Variants in CAND2 observed in about 807,000 individuals in gnomAD.
The protein encoded by CAND2 is cullin associated and neddylation dissociated 2 (putative), also known as cullin-associated NEDD8-dissociated protein 2.
In CAND2, 62 loss-of-function variants were observed where a neutral mutation model predicts 98.9. The observed-to-expected ratio is 0.63, with a 90% CI of 0.51 to 0.77. The LOEUF is 0.77. Ranked by LOEUF, CAND2 falls within the 30% of genes least tolerant of loss-of-function variation. The pLI, the probability that CAND2 is intolerant of heterozygous loss-of-function variation, is 0.00. For missense variants in CAND2, 1,501 were observed against 1,655.2 expected, an observed-to-expected ratio of 0.91 and a Z score of 1.62; for synonymous variants, 770 against 731.9, an observed-to-expected ratio of 1.05 and a Z score of -0.84.
intron 1 of CAND2, among the ~76,000 whole-genome samples, chr3:12,797,285 A>T (rs1237697034): frequency 1.3e-5 from 2 of 150,560 alleles, no homozygotes; most frequent in African/African-American, 4.9e-5. Context: ...CCGGGACCGC[A>T]ACCCCCAGCT....
At chr3:12,808,715 T>C (rs1195825267) in intron 4 of CAND2, among the ~76,000 whole-genome samples, 1 of 152,150 alleles carries the variant, frequency 6.6e-6, no homozygotes, top group Non-Finnish European at 1.5e-5. Context: ...GAGCCCCCAG[T>C]CCAGCTGGGA....
chr3:12,824,437 CAGAG>C (rs1415864722), intron 11 of CAND2, among the ~76,000 whole-genome samples: 3 of 152,140 alleles, frequency 2.0e-5, no homozygotes, highest in Admixed American at 6.5e-5. Context: ...GCATGGGAGA[CAGAG>C]AGACGAGAGG....
At chr3:12,811,122 G>A (rs537564847) in intron 5 of CAND2, among the ~76,000 whole-genome samples, 1 of 142,974 alleles carries the variant, frequency 7.0e-6, no homozygotes, top group Non-Finnish European at 1.5e-5. Context: ...CACGGCGGGG[G>A]GTGGGGGGGG....
intron 4 of CAND2, 53 bp from the exon 5 acceptor site, chr3:12,810,006 G>A: frequency 7.2e-7 from 1 of 1,387,820 alleles, no homozygotes. Flanking sequence ...GCGGAGCCTG[G>A]CCCAGGTTGC....
In CAND2 at chr3:12,815,742, G is replaced by A. The variant is rs2061893574; in HGVS notation, c.1300-125G>A. ...GCCTGGCACAGAGTGAGGGACGAGTGCTTGGGAGATATCTTGATGCCGACA... is the reference window on the plus strand; with the variant it reads ...GCCTGGCACAGAGTGAGGGACGAGTACTTGGGAGATATCTTGATGCCGACA... On this transcript the variant is annotated intron_variant, in intron 8 of 14. Coordinates refer to ENST00000456430, the MANE Select transcript of CAND2 (RefSeq NM_001162499.2). This position sits in a 1 kb window ranked among gnomAD's most constrained non-coding sequence, Gnocchi z 5.7. The A allele has an allele frequency of 5.2e-6, 5 of 956,252 alleles. No homozygotes were observed. Among genetic ancestry groups the A allele is most frequent in the Non-Finnish European group, 7.9e-6 (5 of 632,234 alleles). 59.2% of individuals were successfully genotyped at this position (956,252 alleles called of 1,614,324 possible). A position where few individuals can be genotyped will look rare whatever the true frequency, so the allele number is the denominator to read the frequency against.
In CAND2 at chr3:12,809,721, A is replaced by G. The variant is rs80058253; in HGVS notation, c.492-338A>G. Reference sequence around the variant, plus strand: ...TACTGCTCTGGTCTCAGCGAGGAGGATGGACAGAAGGGGATGGTATTGAGG... The same window carrying G: ...TACTGCTCTGGTCTCAGCGAGGAGGGTGGACAGAAGGGGATGGTATTGAGG... On this transcript the variant is annotated intron_variant, in intron 4 of 14. Transcript: ENST00000456430. Among the ~76,000 whole-genome samples the G allele has an allele frequency of 4.5e-3, 682 of 151,962 alleles. 20 individuals carry two copies. The East Asian group carries it at 0.068, about 15-fold the overall frequency.
In CAND2 at chr3:12,816,774, A is replaced by C. The variant is rs1575772896; in HGVS notation, c.1842A>C (p.Leu614Phe). The C allele has an allele frequency of 1.2e-6, 2 of 1,613,452 alleles. No homozygotes were observed. The highest frequency in any genetic ancestry group is 1.7e-6 in the Non-Finnish European group (2 of 1,180,006). Residue 614 changes from leucine to phenylalanine, a missense_variant, in exon 10 of 15, where the codon TTA becomes TTC. This residue lies in a region of CAND2 where 1,427 missense variants were observed against 1,545.3 expected (regional missense o/e 0.92). Coordinates refer to ENST00000456430, the MANE Select transcript of CAND2 (RefSeq NM_001162499.2). ...TTGGGGATGACCTGGAGCCCACGTT[A>C]CTGCTCCTCCTGGACCGCCTGCGGA... is the stretch of plus-strand genomic sequence containing the variant. ...DRLGDDLEPT[L>F]LLLLDRLRNE...
At chr3:12,827,211 C>CAA (rs1275083489) in intron 12 of CAND2, among the ~76,000 whole-genome samples, 7 of 152,202 alleles carry the variant, frequency 4.6e-5, no homozygotes, top group African/African-American at 1.4e-4. Context: ...GCCTGCCACT[C>CAA]AGACAGTGCC....
intron 10 of CAND2, among the ~76,000 whole-genome samples, chr3:12,819,155 C>T (rs2061934137): frequency 6.6e-6 from 1 of 152,246 alleles, no homozygotes; most frequent in African/African-American, 2.4e-5. Context: ...TTCACTTAAT[C>T]TTACTCTCTT....
intron 1 of CAND2, among the ~76,000 whole-genome samples, chr3:12,802,990 T>TTC (rs1050536323): frequency 6.8e-6 from 1 of 146,752 alleles, no homozygotes; most frequent in Non-Finnish European, 1.5e-5. Flanking sequence ...ATTAAAATCT[T>TTC]TTTTTTTTTT....
At position 12,813,406 on chromosome 3, in the gene CAND2, C is replaced by A; in HGVS notation, c.1006+18C>A. 1.2e-6 allele frequency: 2 copies of A among 1,608,972 alleles called. No individual in the cohort carries two copies. Among genetic ancestry groups the A allele is most frequent in the South Asian group, 1.1e-5 (1 of 90,094 alleles). ...TGAGCAAGGTTGGTGGACAGCCCAT[C>A]ATTGGGGTTGGAGGGTGGAGGTGAA... On this transcript the variant is annotated intron_variant, in intron 7 of 14. Coordinates refer to ENST00000456430, the MANE Select transcript of CAND2 (RefSeq NM_001162499.2).
In CAND2 at chr3:12,825,652, G is replaced by C. The variant is rs1425251302; in HGVS notation, c.3210+13G>C. ...CCTCATCCGAGAGGTGTGGAGCAGA[G>C]CTGGGGACCCAGGGGAAGCTGGGGG... On this transcript the variant is annotated intron_variant, in intron 12 of 14. Transcript: ENST00000456430. 2 of 1,590,312 alleles carry C rather than the reference G, an allele frequency of 1.3e-6. No homozygotes were observed. The highest frequency in any genetic ancestry group is 2.7e-5 in the African/African-American group (2 of 74,708).
At position 12,807,407 on chromosome 3, in the gene CAND2, T is replaced by G; in HGVS notation, c.314T>G (p.Ile105Ser). 6.4e-7 allele frequency: 1 copy of G among 1,551,712 alleles called. No individual in the cohort carries two copies. The highest frequency in any genetic ancestry group is 1.2e-5 in the South Asian group (1 of 84,058). Residue 105 changes from isoleucine (I) to serine (S), a missense_variant, in exon 3 of 15, where the codon ATT becomes AGT. Coordinates refer to ENST00000456430, the MANE Select transcript of CAND2 (RefSeq NM_001162499.2). The part of the protein sequence containing the change: ...MRSDKEQLRD[I>S]AGIGLKTVLS... Reference sequence around the variant, plus strand: ...TCAGACAAGGAGCAGCTGCGAGACATTGCCGGCATTGGCCTCAAGACCGTC... The same window carrying G: ...TCAGACAAGGAGCAGCTGCGAGACAGTGCCGGCATTGGCCTCAAGACCGTC...
intron 12 of CAND2, among the ~76,000 whole-genome samples, chr3:12,826,251 AG>A (rs2061998180): frequency 1.3e-5 from 2 of 152,218 alleles, no homozygotes; most frequent in South Asian, 4.1e-4. Context: ...CGTTTCACTT[AG>A]AGCCCACCTG....
At position 12,810,313 on chromosome 3, in the gene CAND2, G is replaced by A; in HGVS notation, c.746G>A (p.Gly249Asp). 1 of 1,458,898 alleles carries A rather than the reference G, an allele frequency of 6.9e-7. No homozygotes were observed. Among genetic ancestry groups the A allele is most frequent in the South Asian group, 1.4e-5 (1 of 72,696 alleles). The allele number at this position is 1,458,898 out of a possible 1,614,324, so 90.4% of individuals were successfully genotyped here. A position where few individuals can be genotyped will look rare whatever the true frequency, so the allele number is the denominator to read the frequency against. ...TTGGGCAGCGTCGGCCGCCAGGCCG[G>A]CCACCGCCTCGGTAAGGGGGCAGGG... Reference protein sequence around the residue: ...QCLGSVGRQAGHRLGAHLDRL... With the variant: ...QCLGSVGRQADHRLGAHLDRL... Residue 249 changes from glycine (G) to aspartate (D), a missense_variant, in exon 5 of 15, where the codon GGC (glycine) becomes GAC (aspartate). By Grantham distance (94) the Gly-to-Asp change is moderately conservative (BLOSUM62 -1). This residue lies in a region of CAND2 where 1,427 missense variants were observed against 1,545.3 expected (regional missense o/e 0.92). Transcript: ENST00000456430.
intron 14 of CAND2, 44 bp downstream of exon 14, chr3:12,831,616 T>C (rs776321613): frequency 1.5e-6 from 2 of 1,354,722 alleles, no homozygotes; most frequent in Non-Finnish European, 2.1e-6. Context: ...GGAGCACCTA[T>C]GGAGTCCTCG....
chr3:12,806,678 G>A (rs978508277), intron 2 of CAND2, among the ~76,000 whole-genome samples: 10 of 152,150 alleles, frequency 6.6e-5, no homozygotes, highest in Admixed American at 4.6e-4. Flanking sequence ...GAACGAGGGC[G>A]TCTAGTGCCG....
intron 13 of CAND2, among the ~76,000 whole-genome samples, chr3:12,828,342 T>G (rs1051836768): frequency 1.0e-4 from 15 of 149,854 alleles, no homozygotes; most frequent in Non-Finnish European, 3.0e-5. Flanking sequence ...AAGTGTTTTT[T>G]TTTTTTTTTT....
At chr3:12,827,988 A>G (rs1016699997) in intron 13 of CAND2, among the ~76,000 whole-genome samples, 7 of 152,062 alleles carry the variant, frequency 4.6e-5, no homozygotes, top group African/African-American at 1.7e-4. Context: ...GTCTCAAAAA[A>G]AAAAAAAAAA....
Sources: allele counts gnomAD v4.1 joint callset (sites outside exome capture counted in the v4.1 genomes callset), GRCh38; gene constraint gnomAD v4.1.1; regional missense constraint gnomAD v4.1.1; non-coding constraint Gnocchi (gnomAD v3.1); transcripts MANE v1.5; gene names NCBI Gene and HGNC (gene_info 2026-07-23, HGNC 2026-07-21).